Variants in ACTL6A observed in about 807,000 individuals in gnomAD.
ACTL6A encodes the protein actin like 6A, also known as actin-like protein 6A.
Under a neutral mutation model 59.2 loss-of-function variants are expected in ACTL6A, and 5 were observed. The ratio of observed to expected loss-of-function variants is 0.08; its 90% CI spans 0.04 to 0.18. The LOEUF (loss-of-function observed/expected upper bound fraction) is 0.18, where lower values mean the gene tolerates loss of function less well. Among genes scored for constraint, ACTL6A ranks in the 10% least tolerant of loss-of-function variants. The pLI, the probability that ACTL6A is intolerant of heterozygous loss-of-function variation, is 1.00. For synonymous variants in ACTL6A, 154 were observed against 171.8 expected, an observed-to-expected ratio of 0.90 and a Z score of 0.81; for missense variants, 285 against 526.9, an observed-to-expected ratio of 0.54 and a Z score of 4.49.
At position 179,580,636 on chromosome 3, in the gene ACTL6A, A is replaced by G; in HGVS notation, c.769-4A>G. 2 of 1,597,764 alleles carry G rather than the reference A, an allele frequency of 1.3e-6. No individual in the cohort carries two copies. The highest frequency in any genetic ancestry group is 8.5e-7 in the Non-Finnish European group (1 of 1,170,174). On this transcript the variant is annotated splice_polypyrimidine_tract_variant and splice_region_variant and intron_variant, in intron 8 of 13. Coordinates refer to ENST00000429709, the MANE Select transcript of ACTL6A (RefSeq NM_004301.5). Reference sequence around the variant, plus strand: ...TGTTTGTTACTTTTTTCTTTTACTCACAGTGTGTTATCCAGGATTTTCAAG... The same window carrying G: ...TGTTTGTTACTTTTTTCTTTTACTCGCAGTGTGTTATCCAGGATTTTCAAG...
intron 12 of ACTL6A, among the ~76,000 whole-genome samples, chr3:179,585,597 A>G (rs768257071): frequency 2.6e-5 from 4 of 152,062 alleles, no homozygotes; most frequent in Non-Finnish European, 5.9e-5. Context: ...TGTTTACCCT[A>G]TCCCCAGTAC....
At chr3:179,579,455 T>TACACACACACAC (rs10650822) in intron 8 of ACTL6A, among the ~76,000 whole-genome samples, 3,212 of 145,096 alleles carry the variant, frequency 0.022, 95 homozygotes, top group African/African-American at 0.068. Flanking sequence ...TTATATCATA[T>TACACACACACAC]ACACACACAC....
intron 12 of ACTL6A, 168 bp downstream of exon 12, chr3:179,583,616 C>G (rs939344521): frequency 2.0e-6 from 1 of 498,778 alleles, no homozygotes; most frequent in East Asian, 3.5e-5. Context: ...TAGTTGACAT[C>G]TATTAGTTTC....
At chr3:179,576,549 C>A in intron 6 of ACTL6A, 71 bp from the exon 7 acceptor site, 2 of 1,176,646 alleles carry the variant, frequency 1.7e-6, no homozygotes, top group Non-Finnish European at 2.5e-6. Flanking sequence ...CATAAATACA[C>A]CCACAGAGGA....
At chr3:179,572,942 A>G (rs1718054376) in intron 3 of ACTL6A, among the ~76,000 whole-genome samples, 1 of 151,172 alleles carries the variant, frequency 6.6e-6, no homozygotes, top group Non-Finnish European at 1.5e-5. Context: ...AATAGATTGT[A>G]AGTTTTTTTG....
At position 179,574,482 on chromosome 3, in the gene ACTL6A, G is replaced by GTAA. The variant is rs754370165; in HGVS notation, c.476+18_476+20dup. On this transcript the variant is annotated intron_variant, in intron 5 of 13. Coordinates refer to ENST00000429709, the MANE Select transcript of ACTL6A (RefSeq NM_004301.5). Reference sequence around the variant, plus strand: ...GTTTTGACAGCGTATCCTTGAAAGAGTAATACCTTTCCTCTTGAAGTATGT... The same window carrying GTAA: ...GTTTTGACAGCGTATCCTTGAAAGAGTAATAATACCTTTCCTCTTGAAGTATGT... 3.3e-6 allele frequency: 5 copies of GTAA among 1,507,988 alleles called. No homozygotes were observed. The East Asian group carries it at 1.1e-4, about 34-fold the overall frequency. The allele number at this position is 1,507,988 out of a possible 1,614,324, so 93.4% of individuals were successfully genotyped here.
chr3:179,584,098 T>C (rs902101770), intron 12 of ACTL6A, among the ~76,000 whole-genome samples: 11 of 152,194 alleles, frequency 7.2e-5, no homozygotes, highest in African/African-American at 2.4e-4. Context: ...TGTTGTCTTA[T>C]AGTTCTTGAG....
chr3:179,571,846 A>G (rs552636693), intron 3 of ACTL6A, among the ~76,000 whole-genome samples: 221 of 152,344 alleles, frequency 1.5e-3, no homozygotes, highest in Non-Finnish European at 2.6e-3. Flanking sequence ...TAAACAGTGT[A>G]GGTATAGCGA....
chr3:179,573,380 G>A lies in ACTL6A; in HGVS notation c.289G>A (p.Asp97Asn), dbSNP rs769381003. ...ATCTTATATTCTAGTTGAAGACTGG[G>A]ATAGTTTCCAAGCTATTTTGGATCA... ...PLKNGMVEDW[D>N]SFQAILDHTY... Residue 97 changes from aspartate (D) to asparagine (N), a missense_variant, in exon 4 of 14, where the codon GAT becomes AAT. Asp to Asn is a conservative substitution (Grantham distance 23, BLOSUM62 1). Coordinates refer to ENST00000429709, the MANE Select transcript of ACTL6A (RefSeq NM_004301.5). The A allele has an allele frequency of 6.3e-6, 10 of 1,580,632 alleles. No individual in the cohort carries two copies. Among genetic ancestry groups the A allele is most frequent in the Non-Finnish European group, 8.6e-6 (10 of 1,167,600 alleles).
At chr3:179,576,760 A>G in intron 7 of ACTL6A, 34 bp downstream of exon 7, 1 of 1,608,274 alleles carries the variant, frequency 6.2e-7, no homozygotes, top group South Asian at 1.1e-5. Flanking sequence ...TGTAGAACTT[A>G]CTTCTAGCTC....
intron 6 of ACTL6A, 21 bp from the exon 7 acceptor site, chr3:179,576,599 C>G: frequency 6.3e-7 from 1 of 1,588,196 alleles, no homozygotes; most frequent in Middle Eastern, 1.7e-4. Flanking sequence ...CCCTCTTAGC[C>G]TTGTTTCATC....
rs1291821531 is a variant in ACTL6A, at chr3:179,573,611, A to G, written c.378+142A>G. 8.3e-6 allele frequency: 5 copies of G among 603,744 alleles called. No homozygotes were observed. In the East Asian group the frequency reaches 1.3e-4, roughly 16 times the overall value. The allele number at this position is 603,744 out of a possible 1,614,324, so 37.4% of individuals were successfully genotyped here. A position where few individuals can be genotyped will look rare whatever the true frequency, so the allele number is the denominator to read the frequency against. On this transcript the variant is annotated intron_variant, in intron 4 of 13. Coordinates refer to ENST00000429709, the MANE Select transcript of ACTL6A (RefSeq NM_004301.5). The stretch of plus-strand genomic sequence containing the variant: ...CATATTTTGAATTTGAAAATTAGGG[A>G]AAAGGATTAATTTTTTAACACTATT...
intron 13 of ACTL6A, among the ~76,000 whole-genome samples, chr3:179,587,216 T>C (rs1353303612): frequency 6.6e-6 from 1 of 151,950 alleles, no homozygotes; most frequent in African/African-American, 2.4e-5. Context: ...ACATATATAC[T>C]GTATATATAC....
intron 8 of ACTL6A, among the ~76,000 whole-genome samples, chr3:179,579,924 G>A (rs554109164): frequency 4.6e-5 from 7 of 152,308 alleles, no homozygotes; most frequent in African/African-American, 1.7e-4. Context: ...ACAGGTGCAT[G>A]CCACCATGCC....
intron 1 of ACTL6A, 124 bp from the exon 2 acceptor site, chr3:179,569,700 C>G: frequency 2.5e-6 from 2 of 802,104 alleles, no homozygotes; most frequent in Non-Finnish European, 4.2e-6. Flanking sequence ...ATTGTAGTCC[C>G]AGCTATTTGG....
At chr3:179,578,203 C>G (rs1030681607) in intron 8 of ACTL6A, among the ~76,000 whole-genome samples, 2 of 152,118 alleles carry the variant, frequency 1.3e-5, no homozygotes, top group Admixed American at 6.5e-5. Context: ...GCCTGTAATC[C>G]CAGCACTTGG....
Position 179,570,061 on chromosome 3 carries a change from T to A in ACTL6A, c.103-6T>A. ...AACTTGTATGTCATGTTTCTGACTC[T>A]TACAGGTGGATTTTCCTACAGCTAT... On this transcript the variant is annotated splice_region_variant and splice_polypyrimidine_tract_variant and intron_variant, in intron 2 of 13. Transcript: ENST00000429709. The surrounding 1 kb of genome is among the most constrained non-coding windows in gnomAD (Gnocchi z 4.3). The A allele has an allele frequency of 1.9e-6, 3 of 1,612,740 alleles. No individual in the cohort carries two copies. Among genetic ancestry groups the A allele is most frequent in the Non-Finnish European group, 2.5e-6 (3 of 1,179,462 alleles).
In ACTL6A at chr3:179,570,270, ATGGAGTG is replaced by A; in HGVS notation, c.277+31_277+37del. ...TGATGTTTTCCCCATGGAATTGATT[ATGGAGTG>A]TACATGTTATATTTTAGATACAAAG... On this transcript the variant is annotated intron_variant, in intron 3 of 13. Coordinates refer to ENST00000429709, the MANE Select transcript of ACTL6A (RefSeq NM_004301.5). The surrounding 1 kb of genome is among the most constrained non-coding windows in gnomAD (Gnocchi z 4.3). 5.7e-6 allele frequency: 9 copies of A among 1,588,384 alleles called. No individual in the cohort carries two copies. The highest frequency in any genetic ancestry group is 7.7e-6 in the Non-Finnish European group (9 of 1,163,336).
At chr3:179,567,812 G>C (rs1485491796) in intron 1 of ACTL6A, among the ~76,000 whole-genome samples, 13 of 152,126 alleles carry the variant, frequency 8.5e-5, no homozygotes, top group Admixed American at 8.5e-4. Context: ...TAATTATCTT[G>C]AGAAATGTAA....
Sources: gnomAD v4.1 joint callset for allele counts (sites outside exome capture counted in the v4.1 genomes callset) on GRCh38, gnomAD v4.1.1 for gene constraint, Gnocchi (gnomAD v3.1) non-coding constraint, MANE v1.5 for transcripts, NCBI Gene and HGNC (gene_info 2026-07-23, HGNC 2026-07-21) for gene names.